Variants in CDK17 observed in about 807,000 individuals in gnomAD.
The protein encoded by CDK17 is cyclin-dependent kinase 17.
In CDK17, 24 loss-of-function variants were observed where a neutral mutation model predicts 77.6. The ratio of observed to expected loss-of-function variants is 0.31; its 90% CI spans 0.22 to 0.44. The LOEUF (loss-of-function observed/expected upper bound fraction) is 0.44. Among genes scored for constraint, CDK17 ranks in the 20% least tolerant of loss-of-function variants. The pLI, the probability that CDK17 is intolerant of heterozygous loss-of-function variation, is 1.00. For synonymous variants in CDK17, 203 were observed against 210.4 expected, an observed-to-expected ratio of 0.96 and a Z score of 0.30; for missense variants, 429 against 622.5, an observed-to-expected ratio of 0.69 and a Z score of 3.31.
chr12:96,339,556 TAAAA>T (rs531167302), intron 1 of CDK17, among the ~76,000 whole-genome samples: 17 of 144,528 alleles, frequency 1.2e-4, no homozygotes, highest in African/African-American at 4.1e-4. Flanking sequence ...TTTTAAAAAT[TAAAA>T]AAAAAAACCT....
chr12:96,316,310 C>T (rs965875730), intron 3 of CDK17, among the ~76,000 whole-genome samples: 17 of 152,008 alleles, frequency 1.1e-4, no homozygotes, highest in Non-Finnish European at 1.8e-4. Context: ...GTCCTACGCC[C>T]ACGGAGTCTT....
At chr12:96,316,413 A>G (rs1211142819) in intron 3 of CDK17, among the ~76,000 whole-genome samples, 1 of 147,332 alleles carries the variant, frequency 6.8e-6, no homozygotes, top group African/African-American at 2.5e-5. Flanking sequence ...TTGCTTAGGT[A>G]AACAAAGCAG....
At chr12:96,337,711 C>T (rs1027966147) in intron 1 of CDK17, among the ~76,000 whole-genome samples, 4 of 152,170 alleles carry the variant, frequency 2.6e-5, no homozygotes. Flanking sequence ...TGTTTAAACA[C>T]ACTAGATATT....
intron 1 of CDK17, among the ~76,000 whole-genome samples, chr12:96,347,020 A>G (rs868242224): frequency 6.6e-6 from 1 of 152,342 alleles, no homozygotes; most frequent in Middle Eastern, 3.4e-3. Flanking sequence ...AAAAAGAGCA[A>G]GTGTAGCTAT....
At chr12:96,388,109 A>G (rs77883664) in intron 1 of CDK17, among the ~76,000 whole-genome samples, 27 of 148,036 alleles carry the variant, frequency 1.8e-4, no homozygotes, top group African/African-American at 6.6e-4. Context: ...ATCTGTACAT[A>G]AAAAAAAAAG....
intron 1 of CDK17, among the ~76,000 whole-genome samples, chr12:96,344,895 C>T (rs902494141): frequency 6.6e-6 from 1 of 151,962 alleles, no homozygotes; most frequent in African/African-American, 2.4e-5. Flanking sequence ...TAAACATGTG[C>T]CATGGTGGTG....
chr12:96,315,640 T>C (rs919673778), intron 3 of CDK17, among the ~76,000 whole-genome samples: 2 of 152,062 alleles, frequency 1.3e-5, no homozygotes, highest in African/African-American at 4.8e-5. Flanking sequence ...CAAGAAAATG[T>C]TGACTAAAAT....
chr12:96,387,483 G>T (rs1953994210), intron 1 of CDK17, among the ~76,000 whole-genome samples: 1 of 152,148 alleles, frequency 6.6e-6, no homozygotes. Context: ...CAACAAGAAT[G>T]ATTCTGAAGT....
chr12:96,294,950 T>C, intron 10 of CDK17, 49 bp downstream of exon 10: 1 of 1,514,616 alleles, frequency 6.6e-7, no homozygotes, highest in Non-Finnish European at 9.0e-7. Context: ...TTTTAACCAT[T>C]ACACTTTAGA....
At chr12:96,286,453 T>C (rs1952247772) in intron 12 of CDK17, among the ~76,000 whole-genome samples, 1 of 152,148 alleles carries the variant, frequency 6.6e-6, no homozygotes, top group Non-Finnish European at 1.5e-5. Flanking sequence ...TGTTCTGTTT[T>C]TCCATAAAAT....
At chr12:96,329,210 T>C (rs950024216) in intron 2 of CDK17, among the ~76,000 whole-genome samples, 38 of 152,232 alleles carry the variant, frequency 2.5e-4, no homozygotes, top group Non-Finnish European at 5.0e-4. Context: ...GTTATAGACA[T>C]GGGTAGCAGT....
chr12:96,394,139 G>A (rs552421111), intron 1 of CDK17, among the ~76,000 whole-genome samples: 4 of 151,844 alleles, frequency 2.6e-5, no homozygotes, highest in Admixed American at 2.0e-4. Flanking sequence ...CCAGCTACTC[G>A]GGAGGCTGAG....
At chr12:96,386,003 G>A (rs1024796990) in intron 1 of CDK17, among the ~76,000 whole-genome samples, 5 of 152,142 alleles carry the variant, frequency 3.3e-5, no homozygotes, top group Admixed American at 6.5e-5. Flanking sequence ...AAGATGGAAC[G>A]ACAGGAAGGT....
intron 2 of CDK17, among the ~76,000 whole-genome samples, chr12:96,329,482 G>A (rs1282199031): frequency 1.3e-5 from 2 of 151,748 alleles, no homozygotes; most frequent in Non-Finnish European, 2.9e-5. Context: ...TTTTCATTAC[G>A]TGAACTATGA....
chr12:96,376,917 CT>C (rs1953789894), intron 1 of CDK17, among the ~76,000 whole-genome samples: 1 of 152,076 alleles, frequency 6.6e-6, no homozygotes, highest in South Asian at 2.1e-4. Context: ...AGAAAAAATA[CT>C]ACAAAATATA....
intron 1 of CDK17, among the ~76,000 whole-genome samples, chr12:96,367,146 C>A (rs1953599130): frequency 6.6e-6 from 1 of 151,736 alleles, no homozygotes; most frequent in South Asian, 2.1e-4. Flanking sequence ...AGTTCAAGAC[C>A]AGCCTGGCCA....
chr12:96,338,643 G>A (rs987150775), intron 1 of CDK17, among the ~76,000 whole-genome samples: 3 of 152,082 alleles, frequency 2.0e-5, no homozygotes, highest in East Asian at 1.9e-4. Context: ...CGCTCACCTC[G>A]GCCTCTCAAA....
intron 1 of CDK17, among the ~76,000 whole-genome samples, chr12:96,397,803 AAAC>A (rs1415246138): frequency 7.2e-5 from 11 of 152,330 alleles, no homozygotes; most frequent in African/African-American, 1.7e-4. Flanking sequence ...AATGTACATA[AAAC>A]AACAATTATT....
chr12:96,326,074 A>G (rs1045655098), intron 2 of CDK17, among the ~76,000 whole-genome samples: 1 of 152,220 alleles, frequency 6.6e-6, no homozygotes, highest in African/African-American at 2.4e-5. Context: ...AGGTTATTTC[A>G]CATGTGAAAT....
Sources: allele counts gnomAD v4.1 joint callset (sites outside exome capture counted in the v4.1 genomes callset), GRCh38; gene constraint gnomAD v4.1.1; transcripts MANE v1.5; gene names NCBI Gene and HGNC (gene_info 2026-07-23, HGNC 2026-07-21).